KIF25: variants seen among roughly 807,000 people sequenced by gnomAD.
The protein encoded by KIF25 is kinesin family member 25.
A neutral mutation model predicts 32.9 loss-of-function variants in KIF25; 19 were observed. The ratio of observed to expected loss-of-function variants is 0.58; its 90% CI spans 0.40 to 0.85. KIF25 has a LOEUF of 0.85. Among genes scored for constraint, KIF25 ranks in the 40% least tolerant of loss-of-function variants. The pLI is 0.00. For synonymous variants in KIF25, 225 were observed against 213.7 expected, an observed-to-expected ratio of 1.05 and a Z score of -0.46; for missense variants, 485 against 507.0, an observed-to-expected ratio of 0.96 and a Z score of 0.42.
intron 4 of KIF25, among the ~76,000 whole-genome samples, chr6:168,015,796 C>T (rs1047602867): frequency 3.3e-5 from 5 of 152,174 alleles, no homozygotes; most frequent in Admixed American, 3.3e-4. Flanking sequence ...TGTTTAAAAT[C>T]GAACGATCTC....
intron 2 of KIF25, among the ~76,000 whole-genome samples, chr6:168,002,300 G>A (rs1798518479): frequency 7.0e-6 from 1 of 142,346 alleles, no homozygotes; most frequent in Admixed American, 6.9e-5. Context: ...GCCTCGGGCA[G>A]GTGAGAAAGA....
intron 6 of KIF25, among the ~76,000 whole-genome samples, chr6:168,030,214 C>G (rs1362313035): frequency 6.6e-6 from 1 of 152,124 alleles, no homozygotes; most frequent in Non-Finnish European, 1.5e-5. Flanking sequence ...GAGTGGACAT[C>G]CAGTCCCATG....
At chr6:168,008,935 C>A (rs1230452850) in intron 4 of KIF25, among the ~76,000 whole-genome samples, 1 of 152,092 alleles carries the variant, frequency 6.6e-6, no homozygotes, top group Non-Finnish European at 1.5e-5. Context: ...TTGTATCCTG[C>A]AACTTTACCG....
chr6:168,030,603 A>C, intron 6 of KIF25, 170 bp from the exon 7 acceptor site: 1 of 514,950 alleles, frequency 1.9e-6, no homozygotes, highest in Non-Finnish European at 3.4e-6. Flanking sequence ...CTCTTTATTA[A>C]CCTCTGTTAT....
At chr6:168,019,277 T>C (rs1395763346) in intron 5 of KIF25, among the ~76,000 whole-genome samples, 2 of 152,128 alleles carry the variant, frequency 1.3e-5, no homozygotes, top group African/African-American at 4.8e-5. Flanking sequence ...TAGGAAAATA[T>C]GACCTCTGAT....
At chr6:168,043,124 C>T (rs560829592) in intron 12 of KIF25, among the ~76,000 whole-genome samples, 106 of 152,150 alleles carry the variant, frequency 7.0e-4, no homozygotes, top group South Asian at 8.3e-4. Flanking sequence ...GAAGCCTGGA[C>T]GCAACAGATT....
chr6:168,007,774 GT>G (rs5881758), intron 4 of KIF25, among the ~76,000 whole-genome samples: 29,762 of 152,080 alleles, frequency 0.2, 3,304 homozygotes, highest in East Asian at 0.26. Context: ...CAAGAGTGTG[GT>G]TTTTCTTGTA....
chr6:168,007,897 T>C (rs1007190688), intron 4 of KIF25, among the ~76,000 whole-genome samples: 3 of 152,210 alleles, frequency 2.0e-5, no homozygotes, highest in African/African-American at 4.8e-5. Context: ...GAAGCATCTA[T>C]TGGTCTCTCA....
At chr6:168,023,825 G>A (rs978901215) in intron 5 of KIF25, among the ~76,000 whole-genome samples, 4 of 152,220 alleles carry the variant, frequency 2.6e-5, no homozygotes, top group African/African-American at 4.8e-5. Flanking sequence ...TAGCCACCAT[G>A]TGTCGCGATC....
chr6:168,021,051 G>T (rs1475704736), intron 5 of KIF25, among the ~76,000 whole-genome samples: 1 of 152,198 alleles, frequency 6.6e-6, no homozygotes, highest in Admixed American at 6.5e-5. Context: ...GACAGAGTTG[G>T]AGGACTCACA....
chr6:168,026,550 C>A (rs989535820), intron 5 of KIF25, among the ~76,000 whole-genome samples: 1 of 151,934 alleles, frequency 6.6e-6, no homozygotes, highest in South Asian at 2.1e-4. Context: ...ATGGAACTAA[C>A]GAATGTCAAA....
At chr6:168,029,036 T>G (rs1798903518) in intron 5 of KIF25, among the ~76,000 whole-genome samples, 1 of 152,208 alleles carries the variant, frequency 6.6e-6, no homozygotes, top group African/African-American at 2.4e-5. Flanking sequence ...AAGTAGAGAT[T>G]GTTTTGCCTT....
intron 5 of KIF25, among the ~76,000 whole-genome samples, chr6:168,023,107 G>A (rs563142123): frequency 6.8e-4 from 103 of 152,176 alleles, no homozygotes; most frequent in Admixed American, 1.0e-3. Context: ...GCACCTCCAT[G>A]TCCTGCCTGC....
rs549654486 is a variant in KIF25, at chr6:168,002,806, G to A, written c.-253+147G>A. 4 of 152,364 alleles carry A rather than the reference G, an allele frequency of 2.6e-5. No homozygotes were observed. In the South Asian group the frequency reaches 8.3e-4, roughly 32 times the overall value. 9.4% of individuals were successfully genotyped at this position (152,364 alleles called of 1,614,324 possible). Reference sequence around the variant, plus strand: ...ACTCACCACAATGTAAAATCAGTAGGAGCCTTGAGCTTATTTTCCTGTAAC... The same window carrying A: ...ACTCACCACAATGTAAAATCAGTAGAAGCCTTGAGCTTATTTTCCTGTAAC... On this transcript the variant is annotated intron_variant, in intron 3 of 12. Transcript: ENST00000643607.
In KIF25 at chr6:168,034,005, C is replaced by T. The variant is rs774975575; in HGVS notation, c.291C>T (p.Ile97=). The T allele has an allele frequency of 1.9e-6, 3 of 1,614,136 alleles. No homozygotes were observed. Among genetic ancestry groups the T allele is most frequent in the South Asian group, 2.2e-5 (2 of 91,070 alleles). Residue 97 remains isoleucine, a synonymous_variant, in exon 8 of 13, where the codon ATC becomes ATT. Coordinates refer to ENST00000643607, the MANE Select transcript of KIF25 (RefSeq NM_030615.4). ...ACCCACAGAGTGACTTAGGAATTAT[C>T]CCTAGAGTGGCTGAGGAGCTCTTCA... is the stretch of plus-strand genomic sequence containing the variant. ...PLDPQSDLGI[I]PRVAEELFRL...
At chr6:168,042,489 A>C in intron 11 of KIF25, 72 bp from the exon 12 acceptor site, 1 of 1,550,252 alleles carries the variant, frequency 6.5e-7, no homozygotes, top group Non-Finnish European at 8.8e-7. Flanking sequence ...CGCTCCTCCC[A>C]AGGAGCCGGT....
chr6:168,010,286 C>T (rs1798631351), intron 4 of KIF25, among the ~76,000 whole-genome samples: 1 of 151,370 alleles, frequency 6.6e-6, no homozygotes, highest in East Asian at 1.9e-4. Context: ...AGAATTTTAA[C>T]TTTTTTGCTG....
intron 4 of KIF25, among the ~76,000 whole-genome samples, chr6:168,017,590 C>G (rs1039420960): frequency 2.6e-5 from 4 of 152,178 alleles, no homozygotes; most frequent in African/African-American, 9.7e-5. Flanking sequence ...TTGAAAACCT[C>G]TCCTGCGAAC....
chr6:168,025,594 T>C (rs1429193593), intron 5 of KIF25, among the ~76,000 whole-genome samples: 1 of 152,170 alleles, frequency 6.6e-6, no homozygotes, highest in Non-Finnish European at 1.5e-5. Context: ...AGTTTACTGT[T>C]ACACACCCTA....
Sources: gnomAD v4.1 joint callset for allele counts (sites outside exome capture counted in the v4.1 genomes callset) on GRCh38, gnomAD v4.1.1 for gene constraint, MANE v1.5 for transcripts, NCBI Gene and HGNC (gene_info 2026-07-23, HGNC 2026-07-21) for gene names.